The following OCIAD1 variants were observed in gnomAD, a reference collection of about 807,000 sequenced individuals.
The protein encoded by OCIAD1 is OCIA domain containing 1.
Under a neutral mutation model 38.9 loss-of-function variants are expected in OCIAD1, and 29 were observed. That is an observed-to-expected ratio of 0.74 (90% CI 0.55 to 1.02). The LOEUF (loss-of-function observed/expected upper bound fraction) is 1.02, where lower values mean the gene tolerates loss of function less well. Ranked by LOEUF, OCIAD1 falls within the 50% of genes least tolerant of loss-of-function variation. The probability of loss-of-function intolerance (pLI) is 0.00; values close to 1 mark genes in which losing one functional copy is unlikely to be tolerated. For synonymous variants in OCIAD1, 110 were observed against 92.0 expected (o/e 1.20, Z -1.12); for missense variants, 288 against 289.6 (o/e 0.99, Z 0.04).
chr4:48,818,901 AC>A (rs1777166137), intron 1 of OCIAD1, among the ~76,000 whole-genome samples: 1 of 152,192 alleles, frequency 6.6e-6, no homozygotes. Flanking sequence ...AATGAAAAAA[AC>A]CTTCAAGAAA....
At chr4:48,832,361 A>G (rs552955732) in intron 1 of OCIAD1, among the ~76,000 whole-genome samples, 1 of 152,330 alleles carries the variant, frequency 6.6e-6, no homozygotes, top group South Asian at 2.1e-4. Flanking sequence ...AGTAAAAAAA[A>G]TTATAAACTT....
chr4:48,857,438 TA>T (rs1346400191), intron 8 of OCIAD1, 73 bp downstream of exon 8: 4 of 877,734 alleles, frequency 4.6e-6, no homozygotes, highest in African/African-American at 3.6e-5. Flanking sequence ...AACAATACTA[TA>T]AAAAATTAAT....
At chr4:48,835,131 A>C (rs957669429) in intron 3 of OCIAD1, among the ~76,000 whole-genome samples, 2 of 152,068 alleles carry the variant, frequency 1.3e-5, no homozygotes, top group East Asian at 3.9e-4. Context: ...ACTGGGTTTC[A>C]CTATGTTGGC....
rs770637218 is a variant in OCIAD1 at position 48,851,802 on chromosome 4, A to G, written c.378-4A>G. The G allele has an allele frequency of 5.3e-5, 83 of 1,557,704 alleles. No individual in the cohort carries two copies. The highest frequency in any genetic ancestry group is 6.7e-5 in the Non-Finnish European group (76 of 1,129,884). ...TCTTACTACAATATGATTTTCATTTACAGGCACTATTATCAAAAGTCAAAA... is the reference window on the plus strand; with the variant it reads ...TCTTACTACAATATGATTTTCATTTGCAGGCACTATTATCAAAAGTCAAAA... On this transcript the variant is annotated splice_region_variant and splice_polypyrimidine_tract_variant and intron_variant, in intron 6 of 8. Coordinates refer to ENST00000264312, the MANE Select transcript of OCIAD1 (RefSeq NM_017830.4).
At chr4:48,808,287 G>A (rs1227333070) in intron 1 of OCIAD1, among the ~76,000 whole-genome samples, 1 of 152,128 alleles carries the variant, frequency 6.6e-6, no homozygotes, top group Non-Finnish European at 1.5e-5. Flanking sequence ...GGACCAGGTG[G>A]TGAAACCTCA....
chr4:48,857,783 G>T (rs1388013326), intron 8 of OCIAD1, among the ~76,000 whole-genome samples: 1 of 152,082 alleles, frequency 6.6e-6, no homozygotes, highest in Non-Finnish European at 1.5e-5. Context: ...AGAGTGCTAG[G>T]ATTACAGGCT....
intron 1 of OCIAD1, among the ~76,000 whole-genome samples, chr4:48,823,359 G>A (rs1443411104): frequency 6.6e-6 from 1 of 152,020 alleles, no homozygotes; most frequent in Non-Finnish European, 1.5e-5. Context: ...ATGGACACAG[G>A]GAGGGGAACA....
At chr4:48,826,547 G>C (rs779344906), upstream of OCIAD1, among the ~76,000 whole-genome samples, 8 of 151,906 alleles carry the variant, frequency 5.3e-5, no homozygotes, top group Non-Finnish European at 8.8e-5. Flanking sequence ...CTCTTTAGTG[G>C]TTCTTTCCCT....
intron 6 of OCIAD1, among the ~76,000 whole-genome samples, 162 bp from the exon 7 acceptor site, chr4:48,851,644 A>G (rs1315343953): frequency 2.0e-5 from 3 of 152,142 alleles, no homozygotes; most frequent in South Asian, 2.1e-4. Flanking sequence ...TCACTGCACT[A>G]TAGCCTGGGT....
intron 1 of OCIAD1, among the ~76,000 whole-genome samples, chr4:48,812,282 CAAAAAAAAAAAAAAAAA>C (rs397881494): frequency 3.6e-4 from 9 of 25,080 alleles, no homozygotes; most frequent in South Asian, 8.2e-3. Flanking sequence ...GAGTTGGTCT[CAAAAAAAAAAAAAAAAA>C]AAAAAAAAAA....
At chr4:48,817,660 C>A (rs1212742603) in intron 1 of OCIAD1, among the ~76,000 whole-genome samples, 2 of 152,356 alleles carry the variant, frequency 1.3e-5, no homozygotes, top group African/African-American at 2.4e-5. Flanking sequence ...TGGAGCCGAG[C>A]AAGCTAAGAA....
chr4:48,851,701 T>C (rs1294437678), intron 6 of OCIAD1, 105 bp from the exon 7 acceptor site: 36 of 547,970 alleles, frequency 6.6e-5, no homozygotes, highest in Middle Eastern at 4.5e-4. Flanking sequence ...ATTATATGTA[T>C]ATATAATTTT....
At chr4:48,840,446 A>G (rs1778412282) in intron 3 of OCIAD1, among the ~76,000 whole-genome samples, 1 of 152,234 alleles carries the variant, frequency 6.6e-6, no homozygotes, top group African/African-American at 2.4e-5. Flanking sequence ...CCATATTTCC[A>G]GCAAAGGTAA....
chr4:48,812,787 T>G (rs1284419859), intron 1 of OCIAD1, among the ~76,000 whole-genome samples: 1 of 152,148 alleles, frequency 6.6e-6, no homozygotes, highest in Admixed American at 6.5e-5. Flanking sequence ...AAAATGAGAA[T>G]GTGAGGTCAA....
intron 7 of OCIAD1, among the ~76,000 whole-genome samples, chr4:48,853,460 A>G (rs2109603879): frequency 6.6e-6 from 1 of 152,276 alleles, no homozygotes; most frequent in Non-Finnish European, 1.5e-5. Context: ...ACCTGACCCC[A>G]AGGTTTGGAT....
upstream of OCIAD1, among the ~76,000 whole-genome samples, chr4:48,829,465 A>G (rs1324001446): frequency 6.6e-6 from 1 of 152,192 alleles, no homozygotes; most frequent in Non-Finnish European, 1.5e-5. Context: ...TGCTAGGCAA[A>G]TACGGCTCCT....
chr4:48,857,421 A>G, intron 8 of OCIAD1, 56 bp downstream of exon 8: 1 of 1,088,490 alleles, frequency 9.2e-7, no homozygotes, highest in Non-Finnish European at 1.3e-6. Flanking sequence ...CTAAAACATT[A>G]CTTTAAAACA....
chr4:48,842,828 C>T (rs1023126009), intron 4 of OCIAD1, 139 bp downstream of exon 4: 14 of 545,770 alleles, frequency 2.6e-5, no homozygotes, highest in Non-Finnish European at 4.1e-5. Flanking sequence ...TGAATTTAAA[C>T]GTTTTATCTC....
chr4:48,829,827 T>A (rs751675307), upstream of OCIAD1, among the ~76,000 whole-genome samples: 1 of 152,164 alleles, frequency 6.6e-6, no homozygotes, highest in Non-Finnish European at 1.5e-5. Flanking sequence ...CAAGCCAACA[T>A]CTCTGTCCTA....
Sources: gnomAD v4.1 joint callset for allele counts (sites outside exome capture counted in the v4.1 genomes callset) on GRCh38, gnomAD v4.1.1 for gene constraint, MANE v1.5 for transcripts, NCBI Gene and HGNC (gene_info 2026-07-23, HGNC 2026-07-21) for gene names.